TANGO2: variants seen among roughly 807,000 people sequenced by gnomAD.
TANGO2 encodes transport and golgi organization 2 homolog, also known as transport and Golgi organization protein 2 homolog.
In TANGO2, 26 loss-of-function variants were observed where a neutral mutation model predicts 39.1. The observed-to-expected ratio is 0.67, with a 90% CI of 0.49 to 0.92. TANGO2 has a LOEUF of 0.92. TANGO2 is among the 40% of genes least tolerant of loss of function. TANGO2 has a pLI of 0.00. For missense variants in TANGO2, 326 were observed against 360.1 expected, an observed-to-expected ratio of 0.91 and a Z score of 0.77; for synonymous variants, 131 against 144.5, an observed-to-expected ratio of 0.91 and a Z score of 0.67.
chr22:20,047,923 G>GTTTTTTTTTTTTT (rs201871525), intron 3 of TANGO2: 1 of 148,756 alleles, frequency 6.7e-6, no homozygotes, highest in Non-Finnish European at 1.5e-5. Context: ...ATCTGATAGT[G>GTTTTTTTTTTTTT]TTTTGTTTTT....
chr22:20,043,127 G>C (rs1267682601), intron 2 of TANGO2, among the ~76,000 whole-genome samples: 1 of 152,188 alleles, frequency 6.6e-6, no homozygotes, highest in Non-Finnish European at 1.5e-5. Flanking sequence ...GTGTGTCCCT[G>C]CCTAGCATCC....
At chr22:20,037,873 G>A (rs181215722) in intron 2 of TANGO2, among the ~76,000 whole-genome samples, 68 of 152,224 alleles carry the variant, frequency 4.5e-4, no homozygotes, top group East Asian at 1.5e-3. Context: ...CAAGGTGGGC[G>A]GATCACAAGG....
At chr22:20,062,282 T>C (rs1280045983) in intron 7 of TANGO2, among the ~76,000 whole-genome samples, 1 of 152,150 alleles carries the variant, frequency 6.6e-6, no homozygotes, top group East Asian at 1.9e-4. Context: ...GTGCTTGCCA[T>C]GCCAGCCTTT....
intron 1 of TANGO2, among the ~76,000 whole-genome samples, chr22:20,025,022 C>A (rs554433498): frequency 2.6e-5 from 4 of 151,982 alleles, no homozygotes; most frequent in African/African-American, 9.6e-5. Context: ...TGTCCCAGCC[C>A]TGGCAGGGAA....
At chr22:20,053,734 G>A (rs768582993) in intron 5 of TANGO2, 183 bp downstream of exon 5, 3 of 640,642 alleles carry the variant, frequency 4.7e-6, no homozygotes, top group Non-Finnish European at 8.7e-6. Flanking sequence ...CGGGTATTTG[G>A]GGGTGAAGCC....
chr22:20,056,586 T>C (rs1202224850), intron 6 of TANGO2: 1 of 456,722 alleles, frequency 2.2e-6, no homozygotes, highest in East Asian at 6.9e-5. Context: ...TGCCCTTCCT[T>C]TCCCCCTCCT....
intron 2 of TANGO2, 56 bp downstream of exon 2, chr22:20,036,910 G>C (rs771217338): frequency 6.2e-7 from 1 of 1,614,216 alleles, no homozygotes; most frequent in Non-Finnish European, 8.5e-7. Flanking sequence ...TGCCCAGCCA[G>C]TTCTCATGCC....
chr22:20,064,753 G>A lies in TANGO2; in HGVS notation c.*91G>A. The A allele has an allele frequency of 6.6e-7, 1 of 1,518,762 alleles. No individual in the cohort carries two copies. The highest frequency in any genetic ancestry group is 1.2e-5 in the South Asian group (1 of 80,406). The allele number at this position is 1,518,762 out of a possible 1,614,324, so 94.1% of individuals were successfully genotyped here. ...AAACCTTCCTTTGCCATACTGCATT[G>A]CACTGCCCGTGGCTTGGCCAGCATC... On this transcript the variant is annotated 3_prime_UTR_variant, in exon 9 of 9. Transcript: ENST00000327374.
intron 1 of TANGO2, among the ~76,000 whole-genome samples, chr22:20,030,150 CT>C (rs66601369): frequency 0.38 from 47,030 of 123,812 alleles, 9,387 homozygotes; most frequent in Middle Eastern, 0.5. Context: ...TAAGCAGTTG[CT>C]TTTTTTTTTT....
rs770352764 is a variant in TANGO2, at chr22:20,061,483, C to T, written c.452-47C>T. 5.8e-6 allele frequency: 9 copies of T among 1,547,586 alleles called. No individual in the cohort carries two copies. In the Admixed American group the frequency reaches 1.7e-4, roughly 30 times the overall value. ...GGTGGCAGGTGGCAATTTGCCCTGA[C>T]ATGGCACAGCAGGGCCTCTGCATGG... On this transcript the variant is annotated intron_variant, in intron 6 of 8. Coordinates refer to ENST00000327374, the MANE Select transcript of TANGO2 (RefSeq NM_152906.7).
intron 3 of TANGO2, among the ~76,000 whole-genome samples, chr22:20,051,085 T>A (rs2046257882): frequency 6.6e-6 from 1 of 150,734 alleles, no homozygotes; most frequent in Non-Finnish European, 1.5e-5. Flanking sequence ...GGTCTTGAAC[T>A]CCCAACCTCA....
At chr22:20,042,689 C>T (rs999014304) in intron 2 of TANGO2, among the ~76,000 whole-genome samples, 10 of 152,188 alleles carry the variant, frequency 6.6e-5, no homozygotes, top group Middle Eastern at 3.4e-3. Context: ...AGCTTGAACC[C>T]GGGAGGCGGG....
At chr22:20,061,435 C>T in intron 6 of TANGO2, 95 bp from the exon 7 acceptor site, 2 of 1,418,552 alleles carry the variant, frequency 1.4e-6, no homozygotes, top group Non-Finnish European at 9.4e-7. Flanking sequence ...TTCATGGTCC[C>T]CAGCTGTACC....
intron 1 of TANGO2, among the ~76,000 whole-genome samples, 188 bp from the exon 2 acceptor site, chr22:20,036,572 A>G (rs1006972346): frequency 1.3e-5 from 2 of 152,128 alleles, no homozygotes; most frequent in African/African-American, 4.8e-5. Flanking sequence ...GGCCAGTGCC[A>G]ATGAGTGCAT....
intron 6 of TANGO2, among the ~76,000 whole-genome samples, chr22:20,060,539 A>G (rs2048190353): frequency 1.3e-5 from 2 of 152,110 alleles, no homozygotes; most frequent in Admixed American, 1.3e-4. Context: ...TGCTGGGATT[A>G]TAGGAGTGAG....
chr22:20,048,822 T>C (rs755275618), intron 3 of TANGO2, among the ~76,000 whole-genome samples: 2 of 152,090 alleles, frequency 1.3e-5, no homozygotes, highest in Non-Finnish European at 2.9e-5. Flanking sequence ...AATTTTTGTA[T>C]TTTTAGTAGA....
chr22:20,062,624 C>T (rs753861938), intron 7 of TANGO2, among the ~76,000 whole-genome samples: 1 of 152,276 alleles, frequency 6.6e-6, no homozygotes, highest in Non-Finnish European at 1.5e-5. Context: ...AGGCCGAGGA[C>T]CGGCCCTGGC....
At chr22:20,056,043 G>C (rs769381359) in intron 6 of TANGO2, 30 bp downstream of exon 6, 1 of 1,587,372 alleles carries the variant, frequency 6.3e-7, no homozygotes, top group South Asian at 1.1e-5. Context: ...CTGATGGGGT[G>C]GGGGACTGTT....
chr22:20,051,663 G>A (rs993460154), intron 3 of TANGO2, among the ~76,000 whole-genome samples: 3 of 151,956 alleles, frequency 2.0e-5, no homozygotes, highest in African/African-American at 7.3e-5. Context: ...ACAAGCCTGG[G>A]CAACACAGCA....
Sources: allele counts gnomAD v4.1 joint callset (sites outside exome capture counted in the v4.1 genomes callset), GRCh38; gene constraint gnomAD v4.1.1; transcripts MANE v1.5; gene names NCBI Gene and HGNC (gene_info 2026-07-23, HGNC 2026-07-21).